The following ZZZ3 variants were observed in gnomAD, a reference collection of about 807,000 sequenced individuals.
The protein encoded by ZZZ3 is ZZ-type zinc finger-containing protein 3.
Under a neutral mutation model 95.2 loss-of-function variants are expected in ZZZ3, and 22 were observed. That is an observed-to-expected ratio of 0.23 (90% CI 0.17 to 0.33). The LOEUF (loss-of-function observed/expected upper bound fraction) is 0.33, where lower values mean the gene tolerates loss of function less well. Ranked by LOEUF, ZZZ3 falls within the 10% of genes least tolerant of loss-of-function variation. The pLI, the probability that ZZZ3 is intolerant of heterozygous loss-of-function variation, is 1.00. For synonymous variants in ZZZ3, 335 were observed against 358.9 expected (o/e 0.93, Z 0.75); for missense variants, 885 against 1,066.5 (o/e 0.83, Z 2.37).
In ZZZ3 at chr1:77,639,357, G is replaced by A. The variant is rs966066673; in HGVS notation, c.-52+92C>T. ...ACAAGTTGCCACCCAGAGGATGTAT[G>A]GAAAAATAACAAGTCTCCCCATCTC... On this transcript the variant is annotated intron_variant, in intron 4 of 14. Coordinates refer to ENST00000370801, the MANE Select transcript of ZZZ3 (RefSeq NM_015534.6). The A allele has an allele frequency of 2.6e-5, 28 of 1,076,418 alleles. No individual in the cohort carries two copies. In the African/African-American group the frequency reaches 4.1e-4, roughly 16 times the overall value. The allele number at this position is 1,076,418 out of a possible 1,614,324, so 66.7% of individuals were successfully genotyped here.
chr1:77,627,453 A>T (rs956819385), intron 5 of ZZZ3, among the ~76,000 whole-genome samples: 3 of 152,294 alleles, frequency 2.0e-5, no homozygotes, highest in Admixed American at 1.3e-4. Context: ...ACCAACAGTA[A>T]AAGTAGACTC....
intron 12 of ZZZ3, among the ~76,000 whole-genome samples, chr1:77,572,455 T>A (rs1661491470): frequency 6.6e-6 from 1 of 152,114 alleles, no homozygotes; most frequent in Admixed American, 6.5e-5. Flanking sequence ...TCCTCCTGCC[T>A]CAGCCTCCCG....
intron 1 of ZZZ3, among the ~76,000 whole-genome samples, chr1:77,651,419 G>C (rs1392056507): frequency 5.9e-5 from 9 of 152,026 alleles, no homozygotes; most frequent in Non-Finnish European, 1.0e-4. Flanking sequence ...TGTGCAAATA[G>C]GTGCAAATCT....
intron 5 of ZZZ3, among the ~76,000 whole-genome samples, chr1:77,631,053 T>G (rs1343817527): frequency 1.3e-5 from 2 of 152,348 alleles, no homozygotes; most frequent in East Asian, 3.9e-4. Context: ...CTAGTTCTTT[T>G]CAGGATTATC....
intron 12 of ZZZ3, among the ~76,000 whole-genome samples, chr1:77,571,106 G>GT (rs1462965694): frequency 6.6e-6 from 1 of 151,966 alleles, no homozygotes; most frequent in Non-Finnish European, 1.5e-5. Context: ...AGATAATATA[G>GT]TAAGACACGT....
intron 5 of ZZZ3, among the ~76,000 whole-genome samples, chr1:77,613,734 C>G (rs1220006820): frequency 2.6e-5 from 4 of 152,126 alleles, no homozygotes; most frequent in Non-Finnish European, 4.4e-5. Flanking sequence ...CCCTGCCACA[C>G]ACATACCAAG....
At chr1:77,636,067 T>C (rs1368015228) in intron 4 of ZZZ3, among the ~76,000 whole-genome samples, 1 of 152,202 alleles carries the variant, frequency 6.6e-6, no homozygotes, top group East Asian at 1.9e-4. Flanking sequence ...AAGTTAAATT[T>C]AATAACTAAA....
At position 77,632,780 on chromosome 1, in the gene ZZZ3, A is replaced by G. The variant is rs763230087; in HGVS notation, c.575T>C (p.Val192Ala). ...CAAATAGCCTGTGATTTCTTCAACT[A>G]CTGCAGAATTAAGTGGCCCTTCCTC... is the stretch of plus-strand genomic sequence containing the variant. ...VSEEGPLNSA[V>A]VEEITGYLAV... Residue 192 changes from valine to alanine, a missense_variant, in exon 5 of 15, where the codon GTA becomes GCA. Around this residue, in one of 5 missense-constraint regions of ZZZ3, gnomAD observed 556 missense variants for 652.9 expected, o/e 0.85. Coordinates refer to ENST00000370801, the MANE Select transcript of ZZZ3 (RefSeq NM_015534.6). 1.9e-6 allele frequency: 3 copies of G among 1,614,054 alleles called. No homozygotes were observed. Among genetic ancestry groups the G allele is most frequent in the East Asian group, 2.2e-5 (1 of 44,890 alleles).
At position 77,631,900 on chromosome 1, in the gene ZZZ3, A is replaced by G; in HGVS notation, c.1455T>C (p.Pro485=). ...GATCTGATTCAAAGTAATAAACATCAGGATCATCATCTTCCTCTTCTGTAA... is the reference window on the plus strand; with the variant it reads ...GATCTGATTCAAAGTAATAAACATCGGGATCATCATCTTCCTCTTCTGTAA... ...QHITEEEDDD[P]DVYYFESDHV... is the part of the protein sequence containing the mutation. Residue 485 remains proline (P), a synonymous_variant, in exon 5 of 15, where the codon CCT becomes CCC. Coordinates refer to ENST00000370801, the MANE Select transcript of ZZZ3 (RefSeq NM_015534.6). The G allele has an allele frequency of 1.2e-6, 2 of 1,612,478 alleles. No individual in the cohort carries two copies.
intron 5 of ZZZ3, among the ~76,000 whole-genome samples, chr1:77,624,140 A>C (rs1044828932): frequency 5.9e-5 from 9 of 152,200 alleles, no homozygotes; most frequent in African/African-American, 1.7e-4. Context: ...AGAGCTCCTA[A>C]AACTCTTGTA....
At chr1:77,617,101 T>TC (rs201383747) in intron 5 of ZZZ3, among the ~76,000 whole-genome samples, 4,145 of 152,248 alleles carry the variant, frequency 0.027, 154 homozygotes, top group Admixed American at 0.12. Context: ...TATGCACTAA[T>TC]CCCCCCACGC....
intron 5 of ZZZ3, among the ~76,000 whole-genome samples, chr1:77,587,415 C>G (rs536927348): frequency 3.9e-5 from 6 of 152,104 alleles, no homozygotes; most frequent in African/African-American, 1.4e-4. Flanking sequence ...CAGGCACCCG[C>G]CACCACATCC....
intron 5 of ZZZ3, among the ~76,000 whole-genome samples, chr1:77,629,477 GGT>G (rs1667603367): frequency 6.6e-6 from 1 of 152,050 alleles, no homozygotes; most frequent in Non-Finnish European, 1.5e-5. Flanking sequence ...AAATTAGACA[GGT>G]GTGATGGCGT....
intron 5 of ZZZ3, among the ~76,000 whole-genome samples, chr1:77,612,159 C>T (rs1665874497): frequency 6.6e-6 from 1 of 151,946 alleles, no homozygotes; most frequent in African/African-American, 2.4e-5. Flanking sequence ...TCTCCAAAGA[C>T]ATAAAAATGG....
In ZZZ3 at chr1:77,581,080, G is replaced by C; in HGVS notation, c.1909-11C>G. ...GCGTCCTCTTATCATCTGCACATAA[G>C]ACAAGGCTTTTGTCAGAGAGAAAAT... is the stretch of plus-strand genomic sequence containing the variant. On this transcript the variant is annotated splice_polypyrimidine_tract_variant and intron_variant, in intron 8 of 14. Transcript: ENST00000370801. The C allele has an allele frequency of 6.2e-7, 1 of 1,611,984 alleles. No homozygotes were observed.
At chr1:77,649,976 T>C (rs1459233113) in intron 1 of ZZZ3, among the ~76,000 whole-genome samples, 1 of 151,558 alleles carries the variant, frequency 6.6e-6, no homozygotes, top group Admixed American at 6.6e-5. Context: ...TGGGAGTAAA[T>C]GTAATAGCAC....
chr1:77,581,933 T>C lies in ZZZ3; in HGVS notation c.1793-42A>G, dbSNP rs376006084. The C allele has an allele frequency of 9.4e-6, 15 of 1,603,906 alleles. No homozygotes were observed. In the African/African-American group the frequency reaches 1.1e-4, roughly 11 times the overall value. On this transcript the variant is annotated intron_variant, in intron 7 of 14. Transcript: ENST00000370801. ...CATACAGAACTGTTAAAGCAAAACA[T>C]TGCCAGATATTTTTCTACTTAAATT...
At chr1:77,572,357 G>A (rs1262308069) in intron 12 of ZZZ3, among the ~76,000 whole-genome samples, 1 of 151,856 alleles carries the variant, frequency 6.6e-6, no homozygotes, top group East Asian at 1.9e-4. Flanking sequence ...TTTGTTTTTT[G>A]AGACGGAGTC....
At chr1:77,644,092 T>A (rs1669035326) in intron 1 of ZZZ3, among the ~76,000 whole-genome samples, 1 of 151,664 alleles carries the variant, frequency 6.6e-6, no homozygotes, top group South Asian at 2.1e-4. Context: ...TGAGACGGCG[T>A]TTTGCTCTTG....
Sources: gnomAD v4.1 joint callset for allele counts (sites outside exome capture counted in the v4.1 genomes callset) on GRCh38, gnomAD v4.1.1 for gene constraint, gnomAD v4.1.1 regional missense constraint, MANE v1.5 for transcripts, NCBI Gene and HGNC (gene_info 2026-07-23, HGNC 2026-07-21) for gene names.